Variants in ABHD17C observed in about 807,000 individuals in gnomAD.
ABHD17C encodes the protein abhydrolase domain containing 17C, depalmitoylase, also known as alpha/beta hydrolase domain-containing protein 17C.
ABHD17C carries 11 observed loss-of-function variants against 27.9 expected under a neutral mutation model. The ratio of observed to expected loss-of-function variants is 0.39; its 90% CI spans 0.25 to 0.65. The LOEUF (loss-of-function observed/expected upper bound fraction) is 0.65, where lower values mean the gene tolerates loss of function less well. Among genes scored for constraint, ABHD17C ranks in the 30% least tolerant of loss-of-function variants. ABHD17C has a pLI of 0.45. For missense variants in ABHD17C, 280 were observed against 470.2 expected (o/e 0.60, Z 3.74); for synonymous variants, 233 against 209.1 (o/e 1.11, Z -0.98).
intron 1 of ABHD17C, among the ~76,000 whole-genome samples, chr15:80,739,012 C>G (rs896164956): frequency 6.6e-6 from 1 of 152,042 alleles, no homozygotes; most frequent in Non-Finnish European, 1.5e-5. Context: ...TTGAGGGATG[C>G]CAACCTGTTG....
chr15:80,730,600 C>T (rs151164415), intron 1 of ABHD17C, among the ~76,000 whole-genome samples: 41 of 152,230 alleles, frequency 2.7e-4, no homozygotes, highest in African/African-American at 9.6e-4. Context: ...TATGTTCTGC[C>T]AAAGAAAAGT....
chr15:80,735,739 A>G (rs575577102), intron 1 of ABHD17C, among the ~76,000 whole-genome samples: 32 of 152,262 alleles, frequency 2.1e-4, no homozygotes, highest in Non-Finnish European at 1.3e-4. Context: ...TCCGACTTTC[A>G]GGTCCCCATT....
chr15:80,750,550 G>GA (rs1440350793), intron 2 of ABHD17C, among the ~76,000 whole-genome samples: 1 of 151,646 alleles, frequency 6.6e-6, no homozygotes, highest in South Asian at 2.1e-4. Context: ...GCTATTGCTG[G>GA]AAAAAAAATA....
chr15:80,735,959 G>T (rs1042635461), intron 1 of ABHD17C, among the ~76,000 whole-genome samples: 1 of 152,106 alleles, frequency 6.6e-6, no homozygotes, highest in Non-Finnish European at 1.5e-5. Context: ...GCTGTATTTG[G>T]TATGTTTTCT....
intron 1 of ABHD17C, among the ~76,000 whole-genome samples, chr15:80,735,957 T>A (rs1011182455): frequency 1.3e-5 from 2 of 152,344 alleles, no homozygotes; most frequent in Middle Eastern, 3.4e-3. Context: ...ATGCTGTATT[T>A]GGTATGTTTT....
intron 1 of ABHD17C, among the ~76,000 whole-genome samples, chr15:80,696,345 T>C (rs1196086631): frequency 6.6e-6 from 1 of 152,328 alleles, no homozygotes; most frequent in East Asian, 1.9e-4. Context: ...GTGTGGGTGC[T>C]TAAGTACCGG....
chr15:80,726,606 G>A (rs529241156), intron 1 of ABHD17C, among the ~76,000 whole-genome samples: 107 of 123,286 alleles, frequency 8.7e-4, no homozygotes, highest in Non-Finnish European at 1.2e-3. Context: ...CCGCCCCCCC[G>A]CGTTCACACC....
At chr15:80,696,490 T>C (rs979295456) in intron 1 of ABHD17C, among the ~76,000 whole-genome samples, 1 of 152,222 alleles carries the variant, frequency 6.6e-6, no homozygotes, top group Non-Finnish European at 1.5e-5. Context: ...TAAAAGACTT[T>C]CTGGTTGTAA....
At chr15:80,723,899 A>G (rs1894935064) in intron 1 of ABHD17C, among the ~76,000 whole-genome samples, 5 of 152,172 alleles carry the variant, frequency 3.3e-5, no homozygotes. Flanking sequence ...CTCTGAGCAG[A>G]ATGAATTTAA....
At chr15:80,745,453 C>T (rs891492886) in intron 1 of ABHD17C, among the ~76,000 whole-genome samples, 3 of 151,788 alleles carry the variant, frequency 2.0e-5, no homozygotes, top group Non-Finnish European at 2.9e-5. Flanking sequence ...CTGTTCACCT[C>T]GACCTCCTGG....
chr15:80,723,719 AG>A (rs1352428056), intron 1 of ABHD17C, among the ~76,000 whole-genome samples: 17 of 152,230 alleles, frequency 1.1e-4, no homozygotes, highest in Non-Finnish European at 4.4e-5. Context: ...ACATTGCCAC[AG>A]GTTTCCTGGG....
intron 1 of ABHD17C, among the ~76,000 whole-genome samples, chr15:80,726,501 GTTTTTTTTTT>G (rs10572505): frequency 2.3e-4 from 22 of 94,500 alleles, no homozygotes; most frequent in African/African-American, 1.1e-3. Context: ...TCTTTTTCTG[GTTTTTTTTTT>G]TTTTTTTTTT....
intron 1 of ABHD17C, among the ~76,000 whole-genome samples, chr15:80,726,144 A>AT (rs1453296807): frequency 6.6e-6 from 1 of 152,268 alleles, no homozygotes; most frequent in African/African-American, 2.4e-5. Flanking sequence ...CAGCAGGAGC[A>AT]TGTCCTTAAG....
intron 1 of ABHD17C, among the ~76,000 whole-genome samples, chr15:80,719,195 T>TC (rs1894853315): frequency 6.6e-6 from 1 of 152,208 alleles, no homozygotes; most frequent in Non-Finnish European, 1.5e-5. Context: ...CCATCCCTCT[T>TC]CCTCTTGACT....
intron 1 of ABHD17C, among the ~76,000 whole-genome samples, chr15:80,729,602 A>G (rs921484841): frequency 5.3e-5 from 8 of 152,356 alleles, no homozygotes; most frequent in African/African-American, 1.9e-4. Context: ...TTATATAGTT[A>G]AAACTCTCCT....
At chr15:80,729,500 A>G (rs1000321979) in intron 1 of ABHD17C, among the ~76,000 whole-genome samples, 1 of 152,238 alleles carries the variant, frequency 6.6e-6, no homozygotes, top group African/African-American at 2.4e-5. Flanking sequence ...TGTTATGGAA[A>G]GCATTTGTTA....
At chr15:80,708,139 T>C (rs1266520585) in intron 1 of ABHD17C, among the ~76,000 whole-genome samples, 1 of 152,188 alleles carries the variant, frequency 6.6e-6, no homozygotes, top group Non-Finnish European at 1.5e-5. Flanking sequence ...CTTTCTCTTC[T>C]TCATCTGAAT....
chr15:80,698,296 C>T (rs975326286), intron 1 of ABHD17C, among the ~76,000 whole-genome samples: 9 of 152,078 alleles, frequency 5.9e-5, no homozygotes, highest in African/African-American at 1.9e-4. Context: ...GACCTCCTGA[C>T]CTCATAATCC....
intron 1 of ABHD17C, among the ~76,000 whole-genome samples, chr15:80,698,053 T>G (rs967160649): frequency 2.8e-5 from 4 of 144,958 alleles, no homozygotes; most frequent in African/African-American, 1.0e-4. Context: ...ATATGTTGTT[T>G]TATTTCACTT....
Sources: gnomAD v4.1 joint callset for allele counts (sites outside exome capture counted in the v4.1 genomes callset) on GRCh38, gnomAD v4.1.1 for gene constraint, MANE v1.5 for transcripts, NCBI Gene and HGNC (gene_info 2026-07-23, HGNC 2026-07-21) for gene names.